STAT5B: variants seen among roughly 807,000 people sequenced by gnomAD.
STAT5B encodes the protein signal transducer and activator of transcription 5B.
Under a neutral mutation model 107.8 loss-of-function variants are expected in STAT5B, and 21 were observed. The ratio of observed to expected loss-of-function variants is 0.19; its 90% CI spans 0.14 to 0.28. STAT5B has a LOEUF of 0.28. Among genes scored for constraint, STAT5B ranks in the 10% least tolerant of loss-of-function variants. The pLI, the probability that STAT5B is intolerant of heterozygous loss-of-function variation, is 1.00. For missense variants in STAT5B, 565 were observed against 1,008.2 expected, an observed-to-expected ratio of 0.56 and a Z score of 5.95; for synonymous variants, 325 against 401.7, an observed-to-expected ratio of 0.81 and a Z score of 2.28.
intron 12 of STAT5B, among the ~76,000 whole-genome samples, chr17:42,215,298 A>G (rs1343372603): frequency 6.6e-6 from 1 of 152,152 alleles, no homozygotes; most frequent in Non-Finnish European, 1.5e-5. Flanking sequence ...GAGTGAACCT[A>G]GGAGTCCCAA....
chr17:42,269,884 C>T (rs2080707580), intron 1 of STAT5B: 1 of 151,800 alleles, frequency 6.6e-6, no homozygotes, highest in Non-Finnish European at 1.5e-5. Context: ...TTGCAGAGCT[C>T]TAGACATACA....
the STAT5B span, chr17:42,288,073 C>T: frequency 6.6e-6 from 1 of 152,210 alleles, no homozygotes; most frequent in African/African-American, 2.4e-5. This position sits in a 1 kb window ranked among gnomAD's most constrained non-coding sequence, Gnocchi z 4.8. Context: ...AAAGATGACA[C>T]GCGCCAGAGC....
Position 42,211,969 on chromosome 17 carries a change from A to G in STAT5B, c.1680+15T>C, listed in dbSNP as rs753497612. 26 of 1,603,900 alleles carry G rather than the reference A, an allele frequency of 1.6e-5. No homozygotes were observed. In the African/African-American group the frequency reaches 3.4e-4, roughly 21 times the overall value. The stretch of plus-strand genomic sequence containing the variant: ...AAGGACTGATCTAACAGCGGCTGGC[A>G]GCTGGGCTCCTCACCCTGTTGAACT... On this transcript the variant is annotated intron_variant, in intron 13 of 18. Transcript: ENST00000293328.
chr17:42,247,413 TAACAA>T (rs2080460687), intron 1 of STAT5B, among the ~76,000 whole-genome samples: 1 of 152,216 alleles, frequency 6.6e-6, no homozygotes, highest in East Asian at 1.9e-4. Context: ...TCATTTCAAA[TAACAA>T]AATAAAAACT....
chr17:42,262,756 GTGTATATATATACATATA>G (rs1388444477), intron 1 of STAT5B, among the ~76,000 whole-genome samples: 1 of 111,348 alleles, frequency 9.0e-6, no homozygotes, highest in Admixed American at 8.5e-5. Context: ...ATATATATGT[GTGTATATATATACATATA>G]TGTATATATA....
At chr17:42,207,487 GCACACACACACA>G (rs57356051) in intron 16 of STAT5B, 59 bp downstream of exon 16, 175 of 1,198,562 alleles carry the variant, frequency 1.5e-4, no homozygotes, top group Non-Finnish European at 1.8e-4. Context: ...ACGCAGGTAT[GCACACACACACA>G]CACACACACA....
At chr17:42,215,731 G>A (rs1389935999) in intron 12 of STAT5B, among the ~76,000 whole-genome samples, 1 of 152,042 alleles carries the variant, frequency 6.6e-6, no homozygotes, top group African/African-American at 2.4e-5. Context: ...TGATTGTCGT[G>A]CCTCAGCCTC....
intron 5 of STAT5B, among the ~76,000 whole-genome samples, chr17:42,222,032 TGTG>T (rs1160763980): frequency 4.5e-5 from 6 of 134,416 alleles, no homozygotes; most frequent in Admixed American, 2.3e-4. Context: ...GTGTGTGTGG[TGTG>T]GTGTGTGTGT....
intron 1 of STAT5B, chr17:42,268,497 C>T (rs566499993): frequency 4.7e-4 from 72 of 152,172 alleles, no homozygotes; most frequent in African/African-American, 1.6e-3. Context: ...AAGTGACAAA[C>T]GACTATAGTT....
rs142283713 is a variant in STAT5B at position 42,220,758 on chromosome 17, G to T, written c.551-916C>A. Among the ~76,000 whole-genome samples, 723 of 152,238 alleles carry T rather than the reference G, an allele frequency of 4.7e-3. 1 individual carries two copies. Among genetic ancestry groups the T allele is most frequent in the African/African-American group, 0.017 (691 of 41,518 alleles). ...CTGTGAGGAGTCTCATTGATGGCGG[G>T]ACAGGGAGTAAGTTAGGCCTCATTA... On this transcript the variant is annotated intron_variant, in intron 5 of 18. Coordinates refer to ENST00000293328, the MANE Select transcript of STAT5B (RefSeq NM_012448.4).
At chr17:42,217,984 G>GT in intron 9 of STAT5B, 167 bp downstream of exon 9, 2 of 1,206,076 alleles carry the variant, frequency 1.7e-6, no homozygotes, top group Non-Finnish European at 2.4e-6. Context: ...TGGATTACAG[G>GT]TGTGAGCCAC....
rs1445014113 is a variant in STAT5B at position 42,217,201 on chromosome 17, G to T, written c.1339C>A (p.Gln447Lys). 1 of 1,613,930 alleles carries T rather than the reference G, an allele frequency of 6.2e-7. No homozygotes were observed. Among genetic ancestry groups the T allele is most frequent in the Non-Finnish European group, 8.5e-7 (1 of 1,179,996 alleles). ...EEKFTILFES[Q>K]FSVGGNELVF... ...AGCTCATTTCCACCAACACTGAACT[G>T]GGATTCAAACAGGATTGTAAATTTT... Residue 447 changes from glutamine (Q) to lysine (K), a missense_variant, in exon 11 of 19, where the codon CAG (glutamine) becomes AAG (lysine). By Grantham distance (53) the Gln-to-Lys change is moderately conservative. Around this residue, in one of 11 missense-constraint regions of STAT5B, gnomAD observed 127 missense variants for 215.8 expected, o/e 0.59. Transcript: ENST00000293328.
intron 1 of STAT5B, among the ~76,000 whole-genome samples, chr17:42,265,571 T>C (rs994987708): frequency 2.0e-5 from 3 of 151,984 alleles, no homozygotes; most frequent in African/African-American, 7.3e-5. Context: ...CGGGATGGTC[T>C]TGAACTCCTG....
chr17:42,232,193 C>T, intron 1 of STAT5B, 56 bp from the exon 2 acceptor site: 1 of 1,581,812 alleles, frequency 6.3e-7, no homozygotes, highest in East Asian at 2.3e-5. Flanking sequence ...CCCCTTACAT[C>T]CACCAGAGTA....
chr17:42,209,484 G>A (rs527616933), intron 15 of STAT5B, among the ~76,000 whole-genome samples: 1 of 152,324 alleles, frequency 6.6e-6, no homozygotes, highest in African/African-American at 2.4e-5. Flanking sequence ...CCAATACTTT[G>A]GGAAGCCAAA....
At chr17:42,204,504 C>T (rs532724162) in intron 16 of STAT5B, among the ~76,000 whole-genome samples, 1 of 152,342 alleles carries the variant, frequency 6.6e-6, no homozygotes, top group Non-Finnish European at 1.5e-5. Flanking sequence ...TCTTCTAGGG[C>T]TTCAAGTGTC....
chr17:42,223,519 G>A lies in STAT5B; in HGVS notation c.413C>T (p.Ser138Phe), dbSNP rs1567662106. The part of the protein sequence containing the change: ...SPAGSLADAM[S>F]QKHLQINQTF... ...CTGGTTGATCTGGAGGTGTTTCTGG[G>A]ACATGGCATCAGCAAGGCTTCCAGC... The change falls in exon 5 of 19, where the codon TCC (serine) becomes TTC (phenylalanine). Residue 138 changes from serine (S) to phenylalanine (F), a missense_variant. Ser to Phe is a radical substitution (Grantham distance 155). This residue lies in a region of STAT5B where 54 missense variants were observed against 49.7 expected (regional missense o/e 1.09). Coordinates refer to ENST00000293328, the MANE Select transcript of STAT5B (RefSeq NM_012448.4). The A allele has an allele frequency of 6.8e-6, 11 of 1,614,112 alleles. No homozygotes were observed. Among genetic ancestry groups the A allele is most frequent in the Non-Finnish European group, 9.3e-6 (11 of 1,180,028 alleles).
intron 1 of STAT5B, among the ~76,000 whole-genome samples, chr17:42,254,073 A>G (rs187024506): frequency 4.6e-5 from 7 of 152,226 alleles, no homozygotes; most frequent in African/African-American, 1.7e-4. Flanking sequence ...AGTGGTAGAA[A>G]ATCACTTTAC....
chr17:42,208,625 A>T (rs1478263462), intron 15 of STAT5B, among the ~76,000 whole-genome samples: 1 of 152,206 alleles, frequency 6.6e-6, no homozygotes, highest in Non-Finnish European at 1.5e-5. Context: ...CCCTCAGTAG[A>T]AGAAACAGTT....
Sources: gnomAD v4.1 joint callset for allele counts (sites outside exome capture counted in the v4.1 genomes callset) on GRCh38, gnomAD v4.1.1 for gene constraint, gnomAD v4.1.1 regional missense constraint, Gnocchi (gnomAD v3.1) non-coding constraint, MANE v1.5 for transcripts, NCBI Gene and HGNC (gene_info 2026-07-23, HGNC 2026-07-21) for gene names.